Variants in CALN1 observed in about 807,000 individuals in gnomAD.
The protein encoded by CALN1 is calneuron 1, also known as calcium-binding protein 8.
A neutral mutation model predicts 30.6 loss-of-function variants in CALN1; 17 were observed. That is an observed-to-expected ratio of 0.56 (90% confidence interval 0.38 to 0.83). The LOEUF (loss-of-function observed/expected upper bound fraction) is 0.83, where lower values mean the gene tolerates loss of function less well. Ranked by LOEUF, CALN1 falls within the 40% of genes least tolerant of loss-of-function variation. CALN1 has a pLI of 0.00. For synonymous variants in CALN1, 156 were observed against 131.4 expected, an observed-to-expected ratio of 1.19 and a Z score of -1.28; for missense variants, 291 against 354.9, an observed-to-expected ratio of 0.82 and a Z score of 1.45.
chr7:72,454,629 A>G, the CALN1 span, among the ~76,000 whole-genome samples: 5 of 152,208 alleles, frequency 3.3e-5, no homozygotes. Context: ...CCTTCACTAC[A>G]GGAAGGAGCA....
intron 2 of CALN1, among the ~76,000 whole-genome samples, chr7:72,325,412 C>G (rs1026714753): frequency 6.6e-6 from 1 of 152,054 alleles, no homozygotes; most frequent in Non-Finnish European, 1.5e-5. Flanking sequence ...ACCAGCCTGG[C>G]CAACATAGGG....
intron 5 of CALN1, among the ~76,000 whole-genome samples, chr7:71,854,171 C>A (rs1790806435): frequency 6.6e-6 from 1 of 151,738 alleles, no homozygotes; most frequent in South Asian, 2.1e-4. Context: ...AAGAAAACAC[C>A]CCAAACCATT....
intron 5 of CALN1, among the ~76,000 whole-genome samples, chr7:71,960,865 G>A (rs2040989): frequency 0.26 from 39,857 of 152,048 alleles, 5,964 homozygotes; most frequent in East Asian, 0.69. Flanking sequence ...TTGCCCAGGT[G>A]GAGTGCAGTG....
At chr7:72,358,873 G>A (rs1304819340) in intron 2 of CALN1, among the ~76,000 whole-genome samples, 1 of 151,504 alleles carries the variant, frequency 6.6e-6, no homozygotes, top group African/African-American at 2.4e-5. Flanking sequence ...CAGGAGAATC[G>A]TTTGAACCCA....
chr7:72,095,289 C>G (rs1806143055), intron 4 of CALN1, among the ~76,000 whole-genome samples: 1 of 152,138 alleles, frequency 6.6e-6, no homozygotes, highest in Non-Finnish European at 1.5e-5. Context: ...GATGAAAACT[C>G]TGCATGCATT....
intron 3 of CALN1, among the ~76,000 whole-genome samples, chr7:72,260,553 C>T (rs1457810595): frequency 6.6e-6 from 1 of 152,178 alleles, no homozygotes; most frequent in Non-Finnish European, 1.5e-5. Context: ...TGGCAAGAGG[C>T]TTCGGCAGCA....
intron 6 of CALN1, among the ~76,000 whole-genome samples, chr7:71,790,367 GAAA>G (rs370774626): frequency 1.0e-5 from 1 of 98,258 alleles, no homozygotes; most frequent in Non-Finnish European, 1.9e-5. Flanking sequence ...AAGAAAGAAA[GAAA>G]AGAAAGAAAG....
intron 3 of CALN1, among the ~76,000 whole-genome samples, chr7:72,215,738 C>T (rs1792751960): frequency 6.6e-6 from 1 of 152,114 alleles, no homozygotes; most frequent in South Asian, 2.1e-4. Flanking sequence ...TGTGGATGGA[C>T]CCAGCTAGGA....
chr7:72,485,140 A>G, the CALN1 span, among the ~76,000 whole-genome samples: 1 of 152,226 alleles, frequency 6.6e-6, no homozygotes, highest in Admixed American at 6.5e-5. Flanking sequence ...CTGTAGTCCT[A>G]GCTTCTTGGG....
At position 72,220,157 on chromosome 7, in the gene CALN1, C is replaced by G. The variant is rs533086067; in HGVS notation, c.244+58529G>C. Among the ~76,000 whole-genome samples the G allele has an allele frequency of 1.5e-4, 22 of 150,718 alleles. No homozygotes were observed. The South Asian group carries it at 4.5e-3, about 31-fold the overall frequency. Reference sequence around the variant, plus strand: ...CTGCACCCATTAACTCGTCATTTAGCATTAGGTATATCTCCAAATGCTATC... The same window carrying G: ...CTGCACCCATTAACTCGTCATTTAGGATTAGGTATATCTCCAAATGCTATC... On this transcript the variant is annotated intron_variant, in intron 3 of 6. Transcript: ENST00000395275.
chr7:71,883,147 A>G (rs1792687330), intron 5 of CALN1, among the ~76,000 whole-genome samples: 2 of 152,192 alleles, frequency 1.3e-5, no homozygotes, highest in South Asian at 4.1e-4. Context: ...ATATAAATCT[A>G]TCCATCTATA....
At chr7:71,882,866 G>GTGTGTA (rs1562869300) in intron 5 of CALN1, among the ~76,000 whole-genome samples, 4 of 147,100 alleles carry the variant, frequency 2.7e-5, no homozygotes, top group African/African-American at 1.1e-4. Flanking sequence ...GTGTGTGTGT[G>GTGTGTA]TGTGTGTGTG....
At chr7:71,940,457 G>A (rs1796068119) in intron 5 of CALN1, among the ~76,000 whole-genome samples, 1 of 152,160 alleles carries the variant, frequency 6.6e-6, no homozygotes, top group Non-Finnish European at 1.5e-5. Context: ...GTAAAATGCT[G>A]TGGAAAATAT....
chr7:72,192,288 C>T (rs1790665758), intron 3 of CALN1, among the ~76,000 whole-genome samples: 1 of 152,206 alleles, frequency 6.6e-6, no homozygotes, highest in South Asian at 2.1e-4. Flanking sequence ...CTGTGTCCCT[C>T]TGCTTCCATC....
At chr7:72,048,647 C>T (rs1037720059) in intron 4 of CALN1, among the ~76,000 whole-genome samples, 2 of 150,946 alleles carry the variant, frequency 1.3e-5, no homozygotes, top group Non-Finnish European at 3.0e-5. Flanking sequence ...AATATAATTT[C>T]CTTCCTTTTC....
chr7:72,476,461 AC>A, the CALN1 span, among the ~76,000 whole-genome samples: 1 of 151,994 alleles, frequency 6.6e-6, no homozygotes, highest in Non-Finnish European at 1.5e-5. Context: ...ATCGTTGATA[AC>A]CCCTGGGACT....
At chr7:72,034,845 C>G (rs75809773) in intron 4 of CALN1, among the ~76,000 whole-genome samples, 2,342 of 149,766 alleles carry the variant, frequency 0.016, 54 homozygotes, top group African/African-American at 0.055. Context: ...AGGAAGATCC[C>G]TAAGATCTTC....
intron 6 of CALN1, among the ~76,000 whole-genome samples, chr7:71,809,054 A>T (rs1254237084): frequency 6.6e-6 from 1 of 152,154 alleles, no homozygotes; most frequent in Non-Finnish European, 1.5e-5. Flanking sequence ...GACCAAGGCA[A>T]CTTCAGGACC....
intron 4 of CALN1, among the ~76,000 whole-genome samples, chr7:72,039,843 A>AC (rs527980449): frequency 1.3e-5 from 2 of 150,042 alleles, no homozygotes; most frequent in South Asian, 4.3e-4. Flanking sequence ...GGTCCTGAAG[A>AC]CCCCCCCAAG....
Sources: allele counts gnomAD v4.1 joint callset (sites outside exome capture counted in the v4.1 genomes callset), GRCh38; gene constraint gnomAD v4.1.1; transcripts MANE v1.5; gene names NCBI Gene and HGNC (gene_info 2026-07-23, HGNC 2026-07-21).